Variants in CDK8 observed in about 807,000 individuals in gnomAD.
CDK8 encodes cyclin dependent kinase 8.
Under a neutral mutation model 71.5 loss-of-function variants are expected in CDK8, and 29 were observed. That is an observed-to-expected ratio of 0.41 (90% confidence interval 0.30 to 0.55). The LOEUF (loss-of-function observed/expected upper bound fraction) is 0.55. Among genes scored for constraint, CDK8 ranks in the 20% least tolerant of loss-of-function variants. CDK8 has a pLI of 0.37. For synonymous variants in CDK8, 161 were observed against 192.1 expected (o/e 0.84, Z 1.34); for missense variants, 288 against 572.6 (o/e 0.50, Z 5.07).
intron 1 of CDK8, among the ~76,000 whole-genome samples, chr13:26,335,259 T>C (rs1052675688): frequency 2.0e-5 from 3 of 152,202 alleles, no homozygotes; most frequent in Non-Finnish European, 4.4e-5. Context: ...CTGCAACCAT[T>C]TTTGCCTACT....
intron 1 of CDK8, among the ~76,000 whole-genome samples, chr13:26,270,389 C>CAA (rs58365823): frequency 0.029 from 3,739 of 128,120 alleles, 155 homozygotes; most frequent in African/African-American, 0.097. Flanking sequence ...AACTCTGTCT[C>CAA]AAAAAAAAAA....
At chr13:26,271,551 A>G (rs1201297348) in intron 1 of CDK8, among the ~76,000 whole-genome samples, 7 of 152,148 alleles carry the variant, frequency 4.6e-5, no homozygotes, top group Non-Finnish European at 1.0e-4. Context: ...CATGGTTGCA[A>G]TTCCAGCATT....
At chr13:26,338,603 G>A (rs1398782824) in intron 2 of CDK8, among the ~76,000 whole-genome samples, 1 of 152,120 alleles carries the variant, frequency 6.6e-6, no homozygotes, top group Non-Finnish European at 1.5e-5. Flanking sequence ...GGGAAGAATA[G>A]GGGTGAGATG....
rs74666176 is a variant in CDK8 at position 26,392,974 on chromosome 13, T to C, written c.647-393T>C. Among the ~76,000 whole-genome samples the C allele has an allele frequency of 2.3e-3, 347 of 152,312 alleles. 14 individuals carry two copies. The East Asian group carries it at 0.058, about 26-fold the overall frequency. On this transcript the variant is annotated intron_variant, in intron 6 of 12. Coordinates refer to ENST00000381527, the MANE Select transcript of CDK8 (RefSeq NM_001260.3). ...GTTTGGGTTTTCCGTTTGTTTTTGT[T>C]TAGTTTTCTTTGGTTGTAGTTCCCA...
chr13:26,394,952 G>T (rs1046911072), intron 7 of CDK8, among the ~76,000 whole-genome samples: 2 of 152,114 alleles, frequency 1.3e-5, no homozygotes, highest in African/African-American at 4.8e-5. Flanking sequence ...GGAGAAAAAA[G>T]GGCAGATGGA....
chr13:26,316,187 T>G (rs1388026103), intron 1 of CDK8, among the ~76,000 whole-genome samples: 1 of 152,184 alleles, frequency 6.6e-6, no homozygotes, highest in African/African-American at 2.4e-5. Context: ...GGCAAAAGCC[T>G]GTCTCTACAG....
intron 4 of CDK8, among the ~76,000 whole-genome samples, chr13:26,359,275 G>A (rs1283478269): frequency 3.4e-5 from 2 of 58,768 alleles, no homozygotes; most frequent in Non-Finnish European, 7.2e-5. Context: ...AAAAGAGTTT[G>A]GAGATGTACG....
chr13:26,363,387 C>G (rs2138015528), intron 4 of CDK8, among the ~76,000 whole-genome samples: 1 of 150,784 alleles, frequency 6.6e-6, no homozygotes, highest in East Asian at 1.9e-4. Flanking sequence ...CGGTTGGCCA[C>G]TCCTGCTCTT....
At chr13:26,357,578 T>C (rs1043811366) in intron 4 of CDK8, among the ~76,000 whole-genome samples, 35 of 152,360 alleles carry the variant, frequency 2.3e-4, no homozygotes, top group African/African-American at 7.9e-4. Flanking sequence ...CAGTCTACTA[T>C]AGTCCTGGTT....
intron 1 of CDK8, among the ~76,000 whole-genome samples, chr13:26,260,764 A>G (rs549198229): frequency 1.3e-5 from 2 of 152,356 alleles, no homozygotes; most frequent in Middle Eastern, 3.4e-3. Context: ...CTCTGGGCAA[A>G]TGTGTTCTAA....
intron 6 of CDK8, among the ~76,000 whole-genome samples, chr13:26,390,076 A>C (rs1346879576): frequency 2.6e-5 from 4 of 152,204 alleles, no homozygotes; most frequent in Non-Finnish European, 5.9e-5. Flanking sequence ...TCTACCACAC[A>C]ATCCCATTCC....
chr13:26,404,151 A>G lies in CDK8; in HGVS notation c.*70A>G, dbSNP rs1876403992. The G allele has an allele frequency of 3.2e-6, 5 of 1,564,056 alleles. No homozygotes were observed. Among genetic ancestry groups the G allele is most frequent in the Non-Finnish European group, 4.4e-6 (5 of 1,145,974 alleles). On this transcript the variant is annotated 3_prime_UTR_variant, in exon 13 of 13. Transcript: ENST00000381527. ...GCTGACTGTGCAGCTCTCTGCGGGA[A>G]CCTGGTATGGGCCATGAGAATGTAC... is the stretch of plus-strand genomic sequence containing the variant.
At chr13:26,339,541 G>A (rs1307785806) in intron 2 of CDK8, among the ~76,000 whole-genome samples, 1 of 150,244 alleles carries the variant, frequency 6.7e-6, no homozygotes. Context: ...GAATTGTTTG[G>A]GGTATTTTAG....
At chr13:26,372,434 T>G (rs538902248) in intron 4 of CDK8, among the ~76,000 whole-genome samples, 2 of 152,190 alleles carry the variant, frequency 1.3e-5, no homozygotes, top group Non-Finnish European at 2.9e-5. Context: ...AAAAGCCATT[T>G]GGAAAAACAC....
chr13:26,355,680 G>A (rs534411464), intron 4 of CDK8, among the ~76,000 whole-genome samples: 2 of 152,128 alleles, frequency 1.3e-5, no homozygotes, highest in Non-Finnish European at 1.5e-5. Context: ...TTGGCATTTT[G>A]TGAAGCTCAA....
At chr13:26,370,680 A>G (rs995492934) in intron 4 of CDK8, among the ~76,000 whole-genome samples, 3 of 152,290 alleles carry the variant, frequency 2.0e-5, no homozygotes, top group African/African-American at 7.2e-5. Context: ...GTGCTATCCA[A>G]CTGCTAAACC....
chr13:26,379,111 C>T (rs1875091888), intron 4 of CDK8, among the ~76,000 whole-genome samples: 1 of 152,168 alleles, frequency 6.6e-6, no homozygotes, highest in Non-Finnish European at 1.5e-5. Flanking sequence ...TACTGTCTTT[C>T]CCTGGGGCAT....
At chr13:26,298,931 G>A (rs1873688682) in intron 1 of CDK8, among the ~76,000 whole-genome samples, 1 of 151,998 alleles carries the variant, frequency 6.6e-6, no homozygotes, top group Admixed American at 6.5e-5. Flanking sequence ...CCTGTCCTAA[G>A]AGCACCAGTG....
At chr13:26,359,625 A>C (rs1212430525) in intron 4 of CDK8, 1 of 262,160 alleles carries the variant, frequency 3.8e-6, no homozygotes, top group Non-Finnish European at 7.9e-6. Flanking sequence ...CAAGGGCATG[A>C]GCGGTTTTTC....
Sources: gnomAD v4.1 joint callset for allele counts (sites outside exome capture counted in the v4.1 genomes callset) on GRCh38, gnomAD v4.1.1 for gene constraint, MANE v1.5 for transcripts, NCBI Gene and HGNC (gene_info 2026-07-23, HGNC 2026-07-21) for gene names.